CUX2: variants seen among roughly 807,000 people sequenced by gnomAD.
The protein encoded by CUX2 is cut like homeobox 2, also known as homeobox protein cut-like 2.
In CUX2, 40 loss-of-function variants were observed where a neutral mutation model predicts 144.8. The observed-to-expected ratio is 0.28, with a 90% CI of 0.21 to 0.36. The LOEUF is 0.36. Ranked by LOEUF, CUX2 falls within the 10% of genes least tolerant of loss-of-function variation. CUX2 has a pLI of 1.00. For synonymous variants in CUX2, 827 were observed against 875.6 expected (o/e 0.94, Z 0.98); for missense variants, 1,615 against 1,994.0 (o/e 0.81, Z 3.62).
chr12:111,336,301 C>T (rs1204863753), intron 19 of CUX2, among the ~76,000 whole-genome samples: 1 of 152,090 alleles, frequency 6.6e-6, no homozygotes, highest in Non-Finnish European at 1.5e-5. Context: ...ATTTTCACTA[C>T]AATTCCTGTT....
chr12:111,152,779 C>T (rs900269098), intron 1 of CUX2, among the ~76,000 whole-genome samples: 1 of 152,132 alleles, frequency 6.6e-6, no homozygotes, highest in South Asian at 2.1e-4. Flanking sequence ...CTTGGATGTG[C>T]GTGGGGGACG....
At position 111,338,495 on chromosome 12, in the gene CUX2, G is replaced by T. The variant is rs752301051; in HGVS notation, c.3385+21G>T. 3 of 1,596,872 alleles carry T rather than the reference G, an allele frequency of 1.9e-6. No homozygotes were observed. In the South Asian group the frequency reaches 3.4e-5, roughly 18 times the overall value. The stretch of plus-strand genomic sequence containing the variant: ...GAAAGGTAAGACTTGGGCAGAGGAT[G>T]GGCCCCAGCACTGGGTCTCAGATTT... On this transcript the variant is annotated intron_variant, in intron 20 of 21. Transcript: ENST00000261726.
At chr12:111,271,019 T>G (rs1315463813) in intron 4 of CUX2, among the ~76,000 whole-genome samples, 2 of 152,226 alleles carry the variant, frequency 1.3e-5, no homozygotes, top group Non-Finnish European at 2.9e-5. Flanking sequence ...TTCGCTACGC[T>G]GTACATGAAA....
In CUX2 at chr12:111,348,147, C is replaced by T. The variant is rs1191248774; in HGVS notation, c.4283C>T (p.Pro1428Leu). ...APISPSPPGA[P>L]PAKVPSASPT... ...ATCTCCCCATCCCCACCTGGCGCCC[C>T]CCCTGCCAAAGTGCCGAGTGCCAGC... Residue 1428 changes from proline to leucine, a missense_variant, in exon 22 of 22, where the codon CCC becomes CTC. Around this residue, in one of 12 missense-constraint regions of CUX2, gnomAD observed 298 missense variants for 330.4 expected, o/e 0.90. Coordinates refer to ENST00000261726, the MANE Select transcript of CUX2 (RefSeq NM_015267.4). 1.2e-6 allele frequency: 2 copies of T among 1,614,028 alleles called. No homozygotes were observed. Among genetic ancestry groups the T allele is most frequent in the East Asian group, 2.2e-5 (1 of 44,898 alleles).
Position 111,178,558 on chromosome 12 carries a change from G to T in CUX2, c.64-35642G>T, listed in dbSNP as rs1289806926. On this transcript the variant is annotated intron_variant, in intron 1 of 21. Coordinates refer to ENST00000261726, the MANE Select transcript of CUX2 (RefSeq NM_015267.4). The surrounding 1 kb of genome is among the most constrained non-coding windows in gnomAD (Gnocchi z 5.7). ...GAACTGGATTTGCAAGGGACCAGCT[G>T]GGATGGAAAGGGAATGGTCACGGGT... is the stretch of plus-strand genomic sequence containing the variant. Among the ~76,000 whole-genome samples the T allele has an allele frequency of 4.6e-5, 7 of 152,188 alleles. No individual in the cohort carries two copies. The highest frequency in any genetic ancestry group is 2.0e-4 in the Admixed American group (3 of 15,272).
At chr12:111,235,307 C>A (rs180859492) in intron 3 of CUX2, among the ~76,000 whole-genome samples, 7 of 152,078 alleles carry the variant, frequency 4.6e-5, no homozygotes, top group Admixed American at 4.6e-4. Flanking sequence ...GGAGGTACCA[C>A]AGAAGCTTTT....
intron 1 of CUX2, chr12:111,099,888 T>C (rs1873101089): frequency 2.2e-6 from 1 of 448,256 alleles, no homozygotes; most frequent in African/African-American, 2.0e-5. Flanking sequence ...AAAGAGGTAA[T>C]GCTAATGTCT....
chr12:111,073,537 C>CA (rs1453457609), intron 1 of CUX2, among the ~76,000 whole-genome samples: 1 of 152,088 alleles, frequency 6.6e-6, no homozygotes, highest in Non-Finnish European at 1.5e-5. Context: ...TCAGTCTTGA[C>CA]ACCATTGATG....
At chr12:111,328,093 T>C (rs1887902561) in intron 18 of CUX2, among the ~76,000 whole-genome samples, 1 of 151,870 alleles carries the variant, frequency 6.6e-6, no homozygotes, top group African/African-American at 2.4e-5. Flanking sequence ...GAATCAGGCC[T>C]GGAGGTGGCT....
chr12:111,134,594 TTCTCTCTCTC>T (rs370486043), intron 1 of CUX2, among the ~76,000 whole-genome samples: 6 of 144,164 alleles, frequency 4.2e-5, no homozygotes, highest in Non-Finnish European at 4.6e-5. Flanking sequence ...TAAGATCTCT[TTCTCTCTCTC>T]TCTCTCTCTC....
Position 111,304,120 on chromosome 12 carries a change from C to A in CUX2, c.754-90C>A. 9.3e-7 allele frequency: 1 copy of A among 1,075,636 alleles called. No homozygotes were observed. The highest frequency in any genetic ancestry group is 1.6e-5 in the African/African-American group (1 of 64,396). 66.6% of individuals were successfully genotyped at this position (1,075,636 alleles called of 1,614,324 possible). A position where few individuals can be genotyped will look rare whatever the true frequency, so the allele number is the denominator to read the frequency against. On this transcript the variant is annotated intron_variant, in intron 9 of 21. Coordinates refer to ENST00000261726, the MANE Select transcript of CUX2 (RefSeq NM_015267.4). This position sits in a 1 kb window ranked among gnomAD's most constrained non-coding sequence, Gnocchi z 4.7. The stretch of plus-strand genomic sequence containing the variant: ...AGGACCTGAGGCCCTCGGAGGTCTG[C>A]CTCCCCAACCCCTGCCTGAAACAGT...
In CUX2 at chr12:111,039,664, T is replaced by C. The variant is rs1315428920; in HGVS notation, c.63+5424T>C. Among the ~76,000 whole-genome samples, 2 of 152,138 alleles carry C rather than the reference T, an allele frequency of 1.3e-5. No individual in the cohort carries two copies. The highest frequency in any genetic ancestry group is 2.4e-5 in the African/African-American group (1 of 41,428). On this transcript the variant is annotated intron_variant, in intron 1 of 21. Transcript: ENST00000261726. This position sits in a 1 kb window ranked among gnomAD's most constrained non-coding sequence, Gnocchi z 4.2. Reference sequence around the variant, plus strand: ...CGGGTTCACGTGATTCCCAAGTAGTTGGAACTATAGGCGCATGCCACCACG... The same window carrying C: ...CGGGTTCACGTGATTCCCAAGTAGTCGGAACTATAGGCGCATGCCACCACG...
intron 1 of CUX2, among the ~76,000 whole-genome samples, chr12:111,123,616 A>G (rs79270350): frequency 1.3e-3 from 195 of 152,196 alleles, no homozygotes; most frequent in African/African-American, 4.5e-3. Context: ...GATCACAGCA[A>G]CTTCCACCTC....
At chr12:111,207,474 G>A (rs1592839835) in intron 1 of CUX2, among the ~76,000 whole-genome samples, 1 of 152,292 alleles carries the variant, frequency 6.6e-6, no homozygotes, top group East Asian at 1.9e-4. Context: ...TGAGTGGGTG[G>A]ACAGATGAGG....
In CUX2 at chr12:111,310,433, G is replaced by C; in HGVS notation, c.1651G>C (p.Glu551Gln). The change falls in exon 15 of 22, where the codon GAG becomes CAG. Residue 551 changes from glutamate (E) to glutamine (Q), a missense_variant. Glu to Gln is a conservative substitution (Grantham distance 29). This residue lies in a region of CUX2 where 154 missense variants were observed against 148.4 expected (regional missense o/e 1.04). Coordinates refer to ENST00000261726, the MANE Select transcript of CUX2 (RefSeq NM_015267.4). This position sits in a 1 kb window ranked among gnomAD's most constrained non-coding sequence, Gnocchi z 7.9. ...GGAAGPGAEE[E>Q]QLDTAEIAFQ... ...AGCGGCGGGGCCCGGGGCAGAGGAG[G>C]AGCAGCTGGACACGGCAGAGATCGC... 1 of 1,612,794 alleles carries C rather than the reference G, an allele frequency of 6.2e-7. No homozygotes were observed. Among genetic ancestry groups the C allele is most frequent in the Middle Eastern group, 1.7e-4 (1 of 5,990 alleles).
In CUX2 at chr12:111,192,412, C is replaced by G. The variant is rs111728489; in HGVS notation, c.64-21788C>G. Among the ~76,000 whole-genome samples, 1,483 of 152,256 alleles carry G rather than the reference C, an allele frequency of 9.7e-3. 40 individuals are homozygous for G. The highest frequency in any genetic ancestry group is 0.034 in the African/African-American group (1,426 of 41,532). ...CTCAAAGTGCTGGGATTACAGGCGT[C>G]AGCCACTGCACCCTGATGGCTGAGG... On this transcript the variant is annotated intron_variant, in intron 1 of 21. Transcript: ENST00000261726.
At chr12:111,247,572 G>A (rs1325106975) in intron 3 of CUX2, among the ~76,000 whole-genome samples, 1 of 152,144 alleles carries the variant, frequency 6.6e-6, no homozygotes, top group Non-Finnish European at 1.5e-5. Flanking sequence ...AGAGTTCATG[G>A]GCCAGGTCAG....
chr12:111,317,468 A>T (rs1490282507), intron 16 of CUX2, among the ~76,000 whole-genome samples: 1 of 152,168 alleles, frequency 6.6e-6, no homozygotes, highest in African/African-American at 2.4e-5. Flanking sequence ...TCGTTCACTC[A>T]TGTAAATGAC....
chr12:111,042,642 A>T (rs1009552176), intron 1 of CUX2, among the ~76,000 whole-genome samples: 2 of 151,910 alleles, frequency 1.3e-5, no homozygotes, highest in Non-Finnish European at 2.9e-5. Flanking sequence ...TTTTATTATT[A>T]TTTTTTTGAG....
Sources: allele counts gnomAD v4.1 joint callset (sites outside exome capture counted in the v4.1 genomes callset), GRCh38; gene constraint gnomAD v4.1.1; regional missense constraint gnomAD v4.1.1; non-coding constraint Gnocchi (gnomAD v3.1); transcripts MANE v1.5; gene names NCBI Gene and HGNC (gene_info 2026-07-23, HGNC 2026-07-21).